The following CTIF variants were observed in gnomAD, a reference collection of about 807,000 sequenced individuals.
CTIF encodes cap binding complex dependent translation initiation factor, also known as CBP80/20-dependent translation initiation factor.
CTIF carries 21 observed loss-of-function variants against 66.0 expected under a neutral mutation model. The observed-to-expected ratio is 0.32, with a 90% CI of 0.23 to 0.46. The LOEUF (loss-of-function observed/expected upper bound fraction) is 0.46. Among genes scored for constraint, CTIF ranks in the 20% least tolerant of loss-of-function variants. The probability of loss-of-function intolerance (pLI) is 1.00; values close to 1 mark genes in which losing one functional copy is unlikely to be tolerated. For missense variants in CTIF, 739 were observed against 812.7 expected (o/e 0.91, Z 1.10); for synonymous variants, 345 against 326.4 (o/e 1.06, Z -0.62).
chr18:48,657,644 A>G (rs940945095), intron 3 of CTIF, among the ~76,000 whole-genome samples: 3 of 152,056 alleles, frequency 2.0e-5, no homozygotes, highest in East Asian at 1.9e-4. Context: ...GGCATGTGCT[A>G]TGAGGTTCAC....
At position 48,649,656 on chromosome 18, in the gene CTIF, G is replaced by C. The variant is rs182407302; in HGVS notation, c.252+12971G>C. Among the ~76,000 whole-genome samples, 376 of 152,310 alleles carry C rather than the reference G, an allele frequency of 2.5e-3. 4 individuals are homozygous for C. The highest frequency in any genetic ancestry group is 8.9e-3 in the African/African-American group (369 of 41,556). ...AATGGACAGACTGCCTCCTCAAGTG[G>C]GTCCCTGACCCTTGTATAGCCTAAC... On this transcript the variant is annotated intron_variant, in intron 3 of 11. Transcript: ENST00000256413.
chr18:48,829,556 G>A (rs1213912660), intron 10 of CTIF, among the ~76,000 whole-genome samples: 1 of 152,210 alleles, frequency 6.6e-6, no homozygotes, highest in Non-Finnish European at 1.5e-5. Flanking sequence ...CGACCTCCGT[G>A]CTTCCCAGAG....
chr18:48,622,228 C>T (rs936772849), intron 2 of CTIF, among the ~76,000 whole-genome samples: 1 of 152,116 alleles, frequency 6.6e-6, no homozygotes, highest in Admixed American at 6.5e-5. Flanking sequence ...GGATTGGAGG[C>T]CACCCAAAGA....
At chr18:48,660,005 G>A (rs1324786825) in intron 3 of CTIF, among the ~76,000 whole-genome samples, 2 of 151,956 alleles carry the variant, frequency 1.3e-5, no homozygotes, top group African/African-American at 4.8e-5. Context: ...CACCTGTGAC[G>A]TGTGTCGATT....
intron 1 of CTIF, chr18:48,565,053 C>A (rs987741310): frequency 6.6e-6 from 1 of 152,212 alleles, no homozygotes; most frequent in African/African-American, 2.4e-5. Flanking sequence ...TCAATTTCCT[C>A]CTTTAATGGC....
chr18:48,831,545 G>A (rs2068692084), intron 10 of CTIF, among the ~76,000 whole-genome samples: 1 of 152,240 alleles, frequency 6.6e-6, no homozygotes, highest in Admixed American at 6.5e-5. Context: ...GGCACGAAGG[G>A]TGGGAGAATG....
chr18:48,720,560 G>T (rs888969406), intron 7 of CTIF, among the ~76,000 whole-genome samples: 5 of 152,140 alleles, frequency 3.3e-5, no homozygotes, highest in African/African-American at 1.2e-4. Flanking sequence ...CCCCCACCTG[G>T]CAGGCAGCCC....
chr18:48,779,474 G>C (rs1433203007), intron 9 of CTIF, among the ~76,000 whole-genome samples: 1 of 152,210 alleles, frequency 6.6e-6, no homozygotes, highest in Non-Finnish European at 1.5e-5. Flanking sequence ...TGATTGGTCA[G>C]GAGTGCATCT....
intron 10 of CTIF, among the ~76,000 whole-genome samples, chr18:48,817,622 A>G (rs1379429729): frequency 2.6e-5 from 4 of 152,104 alleles, no homozygotes; most frequent in Non-Finnish European, 5.9e-5. Flanking sequence ...CTAAAAATGC[A>G]AAAATTAACC....
chr18:48,715,601 A>G (rs1568159709), intron 7 of CTIF, among the ~76,000 whole-genome samples: 1 of 152,126 alleles, frequency 6.6e-6, no homozygotes, highest in African/African-American at 2.4e-5. Flanking sequence ...GCACTGCCCA[A>G]GTTGACCCTG....
chr18:48,764,505 G>A lies in CTIF; in HGVS notation c.1371+2816G>A, dbSNP rs186054259. On this transcript the variant is annotated intron_variant, in intron 9 of 11. Transcript: ENST00000256413. ...GCCTGGTGCTGGAGGGCCCTCGGTC[G>A]TCAAGGAGAAATGGATGTCTGAAAA... Among the ~76,000 whole-genome samples the A allele has an allele frequency of 2.1e-3, 322 of 152,250 alleles. 4 individuals are homozygous for A. Among genetic ancestry groups the A allele is most frequent in the African/African-American group, 7.2e-3 (298 of 41,536 alleles).
chr18:48,767,458 A>C (rs897751349), intron 9 of CTIF, among the ~76,000 whole-genome samples: 1 of 152,080 alleles, frequency 6.6e-6, no homozygotes, highest in Non-Finnish European at 1.5e-5. Context: ...CCTCTGTTGA[A>C]ATGTGTGTGC....
chr18:48,850,703 C>T (rs1405258608), intron 10 of CTIF, among the ~76,000 whole-genome samples: 1 of 152,200 alleles, frequency 6.6e-6, no homozygotes, highest in Non-Finnish European at 1.5e-5. Context: ...TGGAGTTGTG[C>T]CAAGGGCCCC....
intron 6 of CTIF, among the ~76,000 whole-genome samples, chr18:48,692,122 T>C (rs1297911775): frequency 1.3e-5 from 2 of 152,200 alleles, no homozygotes; most frequent in African/African-American, 4.8e-5. Flanking sequence ...CCTCAGATTT[T>C]ATCCTTTTCA....
intron 1 of CTIF, among the ~76,000 whole-genome samples, chr18:48,577,542 C>A (rs8083321): frequency 0.018 from 2,749 of 152,022 alleles, 76 homozygotes; most frequent in African/African-American, 0.064. Flanking sequence ...TAACATTCAC[C>A]CTTTTGAAGT....
intron 9 of CTIF, among the ~76,000 whole-genome samples, chr18:48,804,635 G>A (rs1227640116): frequency 6.6e-6 from 1 of 152,204 alleles, no homozygotes; most frequent in African/African-American, 2.4e-5. Flanking sequence ...CAGATACGTT[G>A]CACATGTTAC....
intron 1 of CTIF, among the ~76,000 whole-genome samples, chr18:48,591,445 C>G (rs76417437): frequency 0.012 from 1,773 of 152,320 alleles, 32 homozygotes; most frequent in African/African-American, 0.041. Flanking sequence ...CCTGGCCCCA[C>G]GTCCAGTATG....
chr18:48,820,023 A>G (rs376029216), intron 10 of CTIF, among the ~76,000 whole-genome samples: 12 of 152,360 alleles, frequency 7.9e-5, no homozygotes, highest in Admixed American at 4.6e-4. Flanking sequence ...GCTAGTTGTC[A>G]TCTAGGCTGA....
intron 3 of CTIF, among the ~76,000 whole-genome samples, chr18:48,637,829 A>G (rs1423236739): frequency 1.3e-5 from 2 of 152,024 alleles, no homozygotes; most frequent in Non-Finnish European, 2.9e-5. Context: ...GGAGACCTGG[A>G]GTCTCGTTTT....
Sources: gnomAD v4.1 joint callset for allele counts (sites outside exome capture counted in the v4.1 genomes callset) on GRCh38, gnomAD v4.1.1 for gene constraint, MANE v1.5 for transcripts, NCBI Gene and HGNC (gene_info 2026-07-23, HGNC 2026-07-21) for gene names.